Variants in ARAP2 observed in about 807,000 individuals in gnomAD.
ARAP2 encodes the protein ArfGAP with RhoGAP domain, ankyrin repeat and PH domain 2, also known as arf-GAP with Rho-GAP domain, ANK repeat and PH domain-containing protein 2.
ARAP2 carries 148 observed loss-of-function variants against 194.5 expected under a neutral mutation model. The observed-to-expected ratio is 0.76, with a 90% confidence interval of 0.67 to 0.87. The LOEUF is 0.87. ARAP2 is among the 40% of genes least tolerant of loss of function. The pLI is 0.00. For missense variants in ARAP2, 2,128 were observed against 1,989.7 expected (o/e 1.07, Z -1.32); for synonymous variants, 695 against 683.5 (o/e 1.02, Z -0.26).
intron 7 of ARAP2, chr4:36,015,775 C>A (rs963429013): frequency 2.6e-5 from 4 of 152,140 alleles, no homozygotes; most frequent in African/African-American, 9.7e-5. Context: ...TGAGAAGCTA[C>A]AATATGCTCT....
At chr4:36,043,397 CCTGT>C (rs1229876801) in intron 5 of ARAP2, among the ~76,000 whole-genome samples, 3 of 152,050 alleles carry the variant, frequency 2.0e-5, no homozygotes, top group Admixed American at 6.6e-5. Flanking sequence ...TGAAAATTGC[CCTGT>C]CTATGTCTCA....
intron 27 of ARAP2, among the ~76,000 whole-genome samples, chr4:36,101,053 C>T (rs1260289455): frequency 1.3e-5 from 2 of 151,928 alleles, no homozygotes; most frequent in East Asian, 3.9e-4. Flanking sequence ...CATAGCATAG[C>T]TATTTGCATA....
intron 26 of ARAP2, among the ~76,000 whole-genome samples, chr4:36,108,668 T>C (rs1301926059): frequency 1.3e-5 from 2 of 152,018 alleles, no homozygotes; most frequent in Non-Finnish European, 2.9e-5. Context: ...CATATATTCT[T>C]AGCATAGAGT....
intron 6 of ARAP2, among the ~76,000 whole-genome samples, chr4:36,198,638 G>C (rs1391125643): frequency 2.0e-5 from 3 of 152,236 alleles, no homozygotes; most frequent in African/African-American, 7.2e-5. Flanking sequence ...TGGCATGTCA[G>C]CACTTCCCCA....
At chr4:36,164,417 A>G (rs1402457840) in intron 11 of ARAP2, among the ~76,000 whole-genome samples, 1 of 152,248 alleles carries the variant, frequency 6.6e-6, no homozygotes, top group Non-Finnish European at 1.5e-5. Flanking sequence ...GAAGAAAACC[A>G]GTCATAGTAC....
intron 1 of ARAP2, chr4:36,243,501 A>C (rs989648383): frequency 1.3e-5 from 2 of 152,088 alleles, no homozygotes; most frequent in African/African-American, 4.8e-5. Flanking sequence ...TAATTATCAA[A>C]GGCTATATAA....
intron 25 of ARAP2, 81 bp from the exon 26 acceptor site, chr4:36,114,368 C>T (rs749906414): frequency 3.6e-6 from 3 of 825,266 alleles, no homozygotes; most frequent in Non-Finnish European, 5.8e-6. Flanking sequence ...ATTCCCCATC[C>T]ACCATTTAAT....
intron 19 of ARAP2, among the ~76,000 whole-genome samples, chr4:36,140,172 ACAC>A (rs1727952641): frequency 6.6e-6 from 1 of 150,834 alleles, no homozygotes; most frequent in Non-Finnish European, 1.5e-5. Flanking sequence ...ACACACACAC[ACAC>A]ATCTTAGAGG....
At chr4:36,086,861 T>C (rs1255427097) in intron 28 of ARAP2, among the ~76,000 whole-genome samples, 1 of 152,106 alleles carries the variant, frequency 6.6e-6, no homozygotes, top group Non-Finnish European at 1.5e-5. Context: ...CCTCTCCCCT[T>C]TTATGTAAAT....
chr4:36,133,501 T>G, intron 19 of ARAP2, 112 bp from the exon 20 acceptor site: 1 of 967,034 alleles, frequency 1.0e-6, no homozygotes. Context: ...AACTCTTCTT[T>G]TATCTCATCC....
intron 28 of ARAP2, among the ~76,000 whole-genome samples, chr4:36,088,240 T>C (rs1712465714): frequency 6.6e-6 from 1 of 152,094 alleles, no homozygotes. Flanking sequence ...ATTATGTATA[T>C]GCAAGGACCG....
chr4:36,203,020 T>C (rs1011579213), intron 6 of ARAP2, among the ~76,000 whole-genome samples: 3 of 152,066 alleles, frequency 2.0e-5, no homozygotes, highest in Admixed American at 6.6e-5. Flanking sequence ...GAGGGTGAGG[T>C]GCTGATAATG....
chr4:36,086,497 T>C (rs1470025779), intron 28 of ARAP2, among the ~76,000 whole-genome samples: 2 of 152,098 alleles, frequency 1.3e-5, no homozygotes, highest in Admixed American at 1.3e-4. Context: ...TGAATATTCA[T>C]AAAGAAGAGC....
In ARAP2 at chr4:36,210,713, G is replaced by A. The variant is rs538850005; in HGVS notation, c.1164C>T (p.Ser388=). ...TCCAAATATCTTCCACCTTGTCCTC[G>A]CTTATTTTCTCCTTTCTGTTATCGT... ...SIYDNRKEKI[S]EDKVEDIWIP... is the part of the protein sequence containing the mutation. The change falls in exon 6 of 33, where the codon AGC becomes AGT. Residue 388 remains serine, a synonymous_variant. Transcript: ENST00000303965. The A allele has an allele frequency of 8.0e-5, 129 of 1,604,930 alleles. 1 individual carries two copies. The East Asian group carries it at 1.6e-3, about 19-fold the overall frequency.
chr4:36,106,095 C>A (rs984698239), intron 27 of ARAP2, among the ~76,000 whole-genome samples: 2 of 151,938 alleles, frequency 1.3e-5, no homozygotes, highest in Admixed American at 1.3e-4. Flanking sequence ...TACCCAATCT[C>A]CAAGTTGTGA....
chr4:36,103,032 A>G (rs1370639755), intron 27 of ARAP2, among the ~76,000 whole-genome samples: 5 of 151,854 alleles, frequency 3.3e-5, no homozygotes, highest in African/African-American at 1.2e-4. Flanking sequence ...AATGTAAATT[A>G]TATCAGCTAG....
At chr4:36,017,659 A>G (rs982760356) in intron 6 of ARAP2, among the ~76,000 whole-genome samples, 2 of 147,292 alleles carry the variant, frequency 1.4e-5, no homozygotes, top group African/African-American at 5.0e-5. Flanking sequence ...TGTTTCCTAT[A>G]CCCCTGGGAC....
intron 24 of ARAP2, among the ~76,000 whole-genome samples, chr4:36,119,160 A>G (rs970565116): frequency 3.3e-5 from 5 of 151,534 alleles, no homozygotes; most frequent in African/African-American, 1.2e-4. Flanking sequence ...GGATATAGAA[A>G]AGTCAACTTA....
intron 5 of ARAP2, among the ~76,000 whole-genome samples, chr4:36,027,994 T>G (rs1718215992): frequency 6.6e-6 from 1 of 152,166 alleles, no homozygotes; most frequent in South Asian, 2.1e-4. Flanking sequence ...TTAAACATGT[T>G]CTCAGCTTGA....
Sources: allele counts gnomAD v4.1 joint callset (sites outside exome capture counted in the v4.1 genomes callset), GRCh38; gene constraint gnomAD v4.1.1; transcripts MANE v1.5; gene names NCBI Gene and HGNC (gene_info 2026-07-23, HGNC 2026-07-21).